MYO5B: variants seen among roughly 807,000 people sequenced by gnomAD.
The protein encoded by MYO5B is myosin VB.
A neutral mutation model predicts 229.3 loss-of-function variants in MYO5B; 143 were observed. The observed-to-expected ratio is 0.62, with a 90% CI of 0.54 to 0.72. MYO5B has a LOEUF of 0.72. Among genes scored for constraint, MYO5B ranks in the 30% least tolerant of loss-of-function variants. The pLI, the probability that MYO5B is intolerant of heterozygous loss-of-function variation, is 0.00. For missense variants in MYO5B, 2,321 were observed against 2,331.0 expected, an observed-to-expected ratio of 1.00 and a Z score of 0.09; for synonymous variants, 918 against 885.2, an observed-to-expected ratio of 1.04 and a Z score of -0.66.
chr18:49,959,185 CTTCT>C (rs1307104490), intron 12 of MYO5B, among the ~76,000 whole-genome samples: 1 of 152,230 alleles, frequency 6.6e-6, no homozygotes, highest in Non-Finnish European at 1.5e-5. Context: ...GACGCTCTTC[CTTCT>C]GTCATTTCCT....
intron 1 of MYO5B, among the ~76,000 whole-genome samples, chr18:50,114,191 AAAAAG>A (rs1272317294): frequency 6.6e-6 from 1 of 152,224 alleles, no homozygotes; most frequent in Middle Eastern, 3.2e-3. Context: ...AGCAAAAGTT[AAAAAG>A]AAAAGAAAAA....
chr18:49,843,780 G>A (rs1367596189), intron 33 of MYO5B, among the ~76,000 whole-genome samples: 2 of 152,224 alleles, frequency 1.3e-5, no homozygotes, highest in African/African-American at 4.8e-5. Context: ...GCTCCCACAT[G>A]GGGGCAGGAA....
chr18:50,186,289 T>C (rs369644760), intron 1 of MYO5B, among the ~76,000 whole-genome samples: 11 of 152,326 alleles, frequency 7.2e-5, no homozygotes, highest in African/African-American at 2.4e-4. Context: ...AGAGCAGCTG[T>C]TTCTGGGAAT....
chr18:50,026,101 T>G (rs1436371673), intron 4 of MYO5B, among the ~76,000 whole-genome samples: 3 of 152,250 alleles, frequency 2.0e-5, no homozygotes, highest in Non-Finnish European at 4.4e-5. Context: ...GTTTGAAGAT[T>G]GCTGCTCTAA....
chr18:50,190,870 C>T (rs575160931), intron 1 of MYO5B, among the ~76,000 whole-genome samples: 17 of 152,284 alleles, frequency 1.1e-4, no homozygotes, highest in African/African-American at 4.1e-4. Context: ...TTAAATTTTC[C>T]ATTCCCAAAA....
chr18:49,915,104 A>C (rs17714785), intron 17 of MYO5B, among the ~76,000 whole-genome samples: 4,885 of 152,294 alleles, frequency 0.032, 105 homozygotes, highest in Middle Eastern at 0.054. Context: ...GGTGAGTATA[A>C]GAGCAAATAC....
Position 49,872,246 on chromosome 18 carries a change from G to A in MYO5B, c.3538-14C>T. 1 of 1,613,784 alleles carries A rather than the reference G, an allele frequency of 6.2e-7. No homozygotes were observed. Among genetic ancestry groups the A allele is most frequent in the Non-Finnish European group, 8.5e-7 (1 of 1,179,700 alleles). On this transcript the variant is annotated splice_polypyrimidine_tract_variant and intron_variant, in intron 26 of 39. Transcript: ENST00000285039. The stretch of plus-strand genomic sequence containing the variant: ...TGGTGGTTCCGCCTGCATGGATAGA[G>A]ACACAAAGATAAGTGCAGACCTCGA...
At chr18:50,181,506 T>C (rs1175753481) in intron 1 of MYO5B, among the ~76,000 whole-genome samples, 1 of 152,198 alleles carries the variant, frequency 6.6e-6, no homozygotes, top group South Asian at 2.1e-4. Context: ...GTGAATAACT[T>C]AACTATTTCT....
At chr18:49,990,353 C>T (rs562328834) in intron 7 of MYO5B, 86 bp downstream of exon 7, 738 of 1,142,426 alleles carry the variant, frequency 6.5e-4, no homozygotes, top group Non-Finnish European at 8.5e-4. Context: ...GAACCCATGA[C>T]GGAGGGCTTT....
At position 49,849,562 on chromosome 18, in the gene MYO5B, C is replaced by T. The variant is rs488890; in HGVS notation, c.4315+5G>A. 2 of 1,603,418 alleles carry T rather than the reference C, an allele frequency of 1.2e-6. No individual in the cohort carries two copies. Among genetic ancestry groups the T allele is most frequent in the South Asian group, 1.1e-5 (1 of 90,848 alleles). On this transcript the variant is annotated splice_donor_5th_base_variant and intron_variant, in intron 32 of 39. Coordinates refer to ENST00000285039, the MANE Select transcript of MYO5B (RefSeq NM_001080467.3). ...CACAAAACACACTCACTCACACCCC[C>T]CTACCTTCTAGGTCCTGGGCTTTCT...
intron 3 of MYO5B, 90 bp from the exon 4 acceptor site, chr18:50,037,084 A>G (rs1265360847): frequency 5.5e-6 from 8 of 1,445,130 alleles, no homozygotes; most frequent in Non-Finnish European, 7.7e-6. Flanking sequence ...TACACATGCC[A>G]AAAACCAAAG....
chr18:49,961,628 A>C (rs1227979208), intron 12 of MYO5B, among the ~76,000 whole-genome samples: 2 of 152,230 alleles, frequency 1.3e-5, no homozygotes, highest in Non-Finnish European at 2.9e-5. Flanking sequence ...CCCTTTTAGC[A>C]ATCAACCACT....
chr18:49,927,227 C>G (rs1311615442), intron 17 of MYO5B, among the ~76,000 whole-genome samples: 1 of 151,996 alleles, frequency 6.6e-6, no homozygotes, highest in Non-Finnish European at 1.5e-5. Context: ...ATAGATGACA[C>G]AAACAAATGG....
At position 49,937,076 on chromosome 18, in the gene MYO5B, G is replaced by A. The variant is rs560401662; in HGVS notation, c.1905+169C>T. The stretch of plus-strand genomic sequence containing the variant: ...CCTCTGTTAGTTCCTTGTGGTGAAG[G>A]TATTGGAGTTTCCTTCTTCTAAGGA... On this transcript the variant is annotated intron_variant, in intron 15 of 39. Transcript: ENST00000285039. Among the ~76,000 whole-genome samples the A allele has an allele frequency of 2.6e-5, 4 of 152,288 alleles. No homozygotes were observed. The South Asian group carries it at 8.3e-4, about 32-fold the overall frequency.
intron 3 of MYO5B, among the ~76,000 whole-genome samples, chr18:50,037,681 C>T (rs2029886951): frequency 6.6e-6 from 1 of 152,184 alleles, no homozygotes. Flanking sequence ...AGGAGAATCG[C>T]TTAAGGCCAG....
At chr18:49,941,704 C>T (rs2025315386) in intron 14 of MYO5B, among the ~76,000 whole-genome samples, 1 of 151,870 alleles carries the variant, frequency 6.6e-6, no homozygotes, top group East Asian at 1.9e-4. Flanking sequence ...AAGAACATTC[C>T]ATGCTCATGG....
At chr18:49,837,027 G>T in intron 37 of MYO5B, 142 bp from the exon 38 acceptor site, 1 of 798,924 alleles carries the variant, frequency 1.3e-6, no homozygotes. Flanking sequence ...CAAGTGCCTT[G>T]CACTCAGGAA....
At position 49,903,706 on chromosome 18, in the gene MYO5B, T is replaced by C. The variant is rs143047154; in HGVS notation, c.2572-873A>G. ...ATAGAAGAGACAGATGTTCATTTAA[T>C]GAAAAAGAAAACCATTTTAGACATT... is the stretch of plus-strand genomic sequence containing the variant. On this transcript the variant is annotated intron_variant, in intron 20 of 39. Transcript: ENST00000285039. 7.2e-5 allele frequency among the ~76,000 whole-genome samples: 11 copies of C among 152,368 alleles called. No individual in the cohort carries two copies. In the East Asian group the frequency reaches 1.9e-3, roughly 27 times the overall value.
chr18:50,106,109 G>A (rs962240407), intron 1 of MYO5B, among the ~76,000 whole-genome samples: 1 of 151,900 alleles, frequency 6.6e-6, no homozygotes, highest in African/African-American at 2.4e-5. Context: ...CCTCTTACTT[G>A]CCCAAAAATG....
Sources: gnomAD v4.1 joint callset for allele counts (sites outside exome capture counted in the v4.1 genomes callset) on GRCh38, gnomAD v4.1.1 for gene constraint, MANE v1.5 for transcripts, NCBI Gene and HGNC (gene_info 2026-07-23, HGNC 2026-07-21) for gene names.